The following QTGAL variants were observed in gnomAD, a reference collection of about 807,000 sequenced individuals.
The protein encoded by QTGAL is queuosine-tRNA galactosyltransferase.
At chr17:82,951,356 C>T in the QTGAL span, among the ~76,000 whole-genome samples, 1 of 152,196 alleles carries the variant, frequency 6.6e-6, no homozygotes, top group Non-Finnish European at 1.5e-5. Flanking sequence ...GCCTTGTGGG[C>T]CAACCTCTGC....
At chr17:82,989,740 G>C in the QTGAL span, among the ~76,000 whole-genome samples, 1 of 152,100 alleles carries the variant, frequency 6.6e-6, no homozygotes. Flanking sequence ...CTCTGTAAAA[G>C]AAATGATGCA....
chr17:83,028,125 G>A, the QTGAL span, among the ~76,000 whole-genome samples: 1 of 152,032 alleles, frequency 6.6e-6, no homozygotes, highest in Admixed American at 6.6e-5. Flanking sequence ...AGAACGACCT[G>A]CACGCTCCCG....
the QTGAL span, chr17:83,048,902 A>C: frequency 1.3e-6 from 1 of 778,970 alleles, no homozygotes; most frequent in Non-Finnish European, 2.2e-6. Context: ...AAAGGTGTCC[A>C]CTCCTTTTCT....
chr17:82,946,208 G>A, the QTGAL span, among the ~76,000 whole-genome samples: 1 of 152,172 alleles, frequency 6.6e-6, no homozygotes, highest in East Asian at 1.9e-4. Flanking sequence ...ATGGCAAGAG[G>A]AAAAGGCAGA....
the QTGAL span, among the ~76,000 whole-genome samples, chr17:83,039,925 A>C: frequency 6.6e-6 from 1 of 152,152 alleles, no homozygotes; most frequent in Non-Finnish European, 1.5e-5. Flanking sequence ...TCTGAACAGG[A>C]CCCAACAGAG....
chr17:82,968,387 C>T, the QTGAL span, among the ~76,000 whole-genome samples: 19 of 152,336 alleles, frequency 1.2e-4, no homozygotes, highest in African/African-American at 4.6e-4. Flanking sequence ...CTGTCGGCAA[C>T]AGGGAAGGGA....
At chr17:82,958,439 G>A in the QTGAL span, among the ~76,000 whole-genome samples, 2 of 152,220 alleles carry the variant, frequency 1.3e-5, no homozygotes, top group African/African-American at 4.8e-5. Flanking sequence ...GGCTGGTGAC[G>A]GGCCTCCCCT....
the QTGAL span, among the ~76,000 whole-genome samples, chr17:83,028,940 A>G: frequency 0.021 from 3,261 of 152,334 alleles, 109 homozygotes; most frequent in African/African-American, 0.072. Flanking sequence ...CACAAGCTGT[A>G]ACGCATGACC....
At chr17:83,011,992 C>G in the QTGAL span, among the ~76,000 whole-genome samples, 1 of 128,404 alleles carries the variant, frequency 7.8e-6, no homozygotes, top group African/African-American at 3.1e-5. Flanking sequence ...GCCACGAACT[C>G]CTCGTATCCA....
the QTGAL span, among the ~76,000 whole-genome samples, chr17:83,040,320 G>C: frequency 9.5e-4 from 145 of 152,168 alleles, no homozygotes; most frequent in African/African-American, 3.4e-3. Flanking sequence ...AACTAAAAAC[G>C]TATCATCTGC....
chr17:82,943,709 AGT>A, the QTGAL span: 1 of 152,212 alleles, frequency 6.6e-6, no homozygotes, highest in Admixed American at 6.5e-5. Context: ...GCCACACAGG[AGT>A]GTGGGGTTAA....
At chr17:82,946,140 A>C in the QTGAL span, among the ~76,000 whole-genome samples, 1 of 152,226 alleles carries the variant, frequency 6.6e-6, no homozygotes, top group African/African-American at 2.4e-5. Context: ...GATAACTTCT[A>C]TACTAGTAGG....
chr17:82,985,789 T>C, the QTGAL span, among the ~76,000 whole-genome samples: 1 of 152,224 alleles, frequency 6.6e-6, no homozygotes, highest in Non-Finnish European at 1.5e-5. Context: ...ACTTCCCAGT[T>C]AAGAAGAAGA....
the QTGAL span, chr17:83,014,508 C>T: frequency 7.4e-6 from 12 of 1,614,144 alleles, no homozygotes; most frequent in South Asian, 1.3e-4. Flanking sequence ...GCTGGGGCAT[C>T]ATGACGTCAT....
At chr17:82,963,121 A>T in the QTGAL span, among the ~76,000 whole-genome samples, 1 of 152,158 alleles carries the variant, frequency 6.6e-6, no homozygotes, top group African/African-American at 2.4e-5. Context: ...CCCAGCCCCA[A>T]TCTGCTCACA....
chr17:83,031,149 G>A, the QTGAL span, among the ~76,000 whole-genome samples: 8 of 152,360 alleles, frequency 5.3e-5, no homozygotes, highest in South Asian at 6.2e-4. Context: ...ACAGACAACC[G>A]AGACGAGAAC....
chr17:82,964,392 A>G, the QTGAL span, among the ~76,000 whole-genome samples: 4 of 152,178 alleles, frequency 2.6e-5, no homozygotes, highest in African/African-American at 7.2e-5. Flanking sequence ...ATATAATGAA[A>G]GAAGTGAAAA....
chr17:83,005,752 CT>C, the QTGAL span: 1 of 844,282 alleles, frequency 1.2e-6, no homozygotes, highest in Non-Finnish European at 1.9e-6. This position sits in a 1 kb window ranked among gnomAD's most constrained non-coding sequence, Gnocchi z 5.6. Flanking sequence ...GCCAGCACCC[CT>C]GCCTCAGGTG....
At chr17:82,991,916 T>C in the QTGAL span, among the ~76,000 whole-genome samples, 1 of 152,112 alleles carries the variant, frequency 6.6e-6, no homozygotes, top group African/African-American at 2.4e-5. Flanking sequence ...GCAGTTGACA[T>C]ACTAAAGAAT....
Sources: gnomAD v4.1 joint callset for allele counts (sites outside exome capture counted in the v4.1 genomes callset) on GRCh38, gnomAD v4.1.1 for gene constraint, Gnocchi (gnomAD v3.1) non-coding constraint, MANE v1.5 for transcripts, NCBI Gene and HGNC (gene_info 2026-07-23, HGNC 2026-07-21) for gene names.